FAM107B: variants seen among roughly 807,000 people sequenced by gnomAD.
FAM107B encodes protein FAM107B.
Under a neutral mutation model 31.5 loss-of-function variants are expected in FAM107B, and 21 were observed. The ratio of observed to expected loss-of-function variants is 0.67; its 90% CI spans 0.47 to 0.96. The LOEUF is 0.96. Among genes scored for constraint, FAM107B ranks in the 40% least tolerant of loss-of-function variants. FAM107B has a pLI of 0.00. For missense variants in FAM107B, 452 were observed against 377.1 expected (o/e 1.20, Z -1.64); for synonymous variants, 157 against 141.5 (o/e 1.11, Z -0.78).
chr10:14,731,040 G>A (rs188642140), intron 1 of FAM107B, among the ~76,000 whole-genome samples: 25 of 152,308 alleles, frequency 1.6e-4, no homozygotes, highest in African/African-American at 5.5e-4. Flanking sequence ...AGAGGGCTTA[G>A]CAGGCACAGG....
chr10:14,560,260 T>C (rs1850122700), intron 2 of FAM107B, among the ~76,000 whole-genome samples: 1 of 152,120 alleles, frequency 6.6e-6, no homozygotes, highest in Non-Finnish European at 1.5e-5. Context: ...ATCAAAGGCT[T>C]AGGAGATATA....
chr10:14,744,038 GT>G (rs1287230217), intron 1 of FAM107B, among the ~76,000 whole-genome samples: 1 of 152,108 alleles, frequency 6.6e-6, no homozygotes, highest in Admixed American at 6.6e-5. Flanking sequence ...TTGGGCAGTG[GT>G]TTGTAGTTCT....
intron 2 of FAM107B, among the ~76,000 whole-genome samples, chr10:14,618,752 G>A (rs932647167): frequency 8.5e-5 from 13 of 152,078 alleles, no homozygotes; most frequent in East Asian, 1.9e-4. Flanking sequence ...CAGGAGAGTC[G>A]CTTGAACCCG....
intron 1 of FAM107B, among the ~76,000 whole-genome samples, chr10:14,750,126 T>C (rs1832798743): frequency 6.6e-6 from 1 of 152,048 alleles, no homozygotes; most frequent in Admixed American, 6.5e-5. Context: ...TGAAAACCCA[T>C]TGGTAGCATC....
intron 2 of FAM107B, among the ~76,000 whole-genome samples, chr10:14,629,185 T>TAC (rs1853252229): frequency 7.3e-6 from 1 of 136,668 alleles, no homozygotes; most frequent in South Asian, 2.2e-4. Flanking sequence ...ACATAAAAAG[T>TAC]ATATATATAC....
chr10:14,631,881 C>A (rs944603981), intron 2 of FAM107B, among the ~76,000 whole-genome samples: 1 of 152,164 alleles, frequency 6.6e-6, no homozygotes, highest in South Asian at 2.1e-4. Flanking sequence ...AGGGTGACAG[C>A]CGAGCATTAA....
chr10:14,745,258 G>T (rs1443318979), intron 1 of FAM107B, among the ~76,000 whole-genome samples: 1 of 151,758 alleles, frequency 6.6e-6, no homozygotes, highest in Non-Finnish European at 1.5e-5. Flanking sequence ...CCAACTCCTG[G>T]ATTTGCTAAT....
At chr10:14,734,488 GT>G (rs74521923) in intron 1 of FAM107B, among the ~76,000 whole-genome samples, 797 of 138,294 alleles carry the variant, frequency 5.8e-3, no homozygotes, top group Middle Eastern at 7.2e-3. Flanking sequence ...TTTTTGTGAG[GT>G]TTTTTTTTTT....
chr10:14,655,812 C>T (rs1352596212), intron 2 of FAM107B, among the ~76,000 whole-genome samples: 1 of 152,206 alleles, frequency 6.6e-6, no homozygotes, highest in Non-Finnish European at 1.5e-5. Context: ...GAGCCAGCTC[C>T]ACAGCTACCT....
intron 2 of FAM107B, among the ~76,000 whole-genome samples, chr10:14,657,837 G>A (rs1490031866): frequency 4.0e-5 from 6 of 151,260 alleles, no homozygotes; most frequent in Non-Finnish European, 7.4e-5. Context: ...TTTGAGGCTG[G>A]TCTCACTCTG....
At chr10:14,759,749 C>T (rs1291934008) in intron 1 of FAM107B, among the ~76,000 whole-genome samples, 1 of 151,838 alleles carries the variant, frequency 6.6e-6, no homozygotes, top group African/African-American at 2.4e-5. Flanking sequence ...CTCACCTCTG[C>T]TGTGCAGGTT....
intron 3 of FAM107B, among the ~76,000 whole-genome samples, chr10:14,525,478 C>T (rs887256676): frequency 1.3e-5 from 2 of 152,168 alleles, no homozygotes; most frequent in African/African-American, 2.4e-5. Context: ...CTCCATTAAA[C>T]GAATCGAGGA....
intron 1 of FAM107B, among the ~76,000 whole-genome samples, chr10:14,761,974 C>A (rs1392598470): frequency 6.6e-6 from 1 of 152,080 alleles, no homozygotes; most frequent in African/African-American, 2.4e-5. Context: ...GTAGTTAGGT[C>A]TATCCTTGAA....
intron 2 of FAM107B, among the ~76,000 whole-genome samples, chr10:14,598,178 G>A (rs1287290628): frequency 6.6e-6 from 1 of 152,038 alleles, no homozygotes; most frequent in African/African-American, 2.4e-5. Flanking sequence ...TTTTTAGTTC[G>A]ATGCAATCTG....
At chr10:14,671,291 T>C (rs999847416) in intron 1 of FAM107B, among the ~76,000 whole-genome samples, 1 of 152,138 alleles carries the variant, frequency 6.6e-6, no homozygotes, top group African/African-American at 2.4e-5. Flanking sequence ...CCACGAAAAT[T>C]AAGGCTTGCA....
chr10:14,749,476 T>C (rs1204459185), intron 1 of FAM107B, among the ~76,000 whole-genome samples: 4 of 152,228 alleles, frequency 2.6e-5, no homozygotes, highest in African/African-American at 9.6e-5. Context: ...AGCTAGAATG[T>C]GAGTTCATCC....
chr10:14,629,400 T>TTA (rs1454364583), intron 2 of FAM107B, among the ~76,000 whole-genome samples: 9,517 of 40,926 alleles, frequency 0.23, 1,143 homozygotes, highest in Middle Eastern at 0.36. Context: ...TAATATATAT[T>TTA]ATATATTTAA....
chr10:14,633,069 C>T (rs1473038310), intron 2 of FAM107B, among the ~76,000 whole-genome samples: 2 of 151,842 alleles, frequency 1.3e-5, no homozygotes, highest in African/African-American at 4.8e-5. Context: ...CGTAGTGGTG[C>T]ATGCCTGTAA....
At chr10:14,761,083 ATTAAT>A (rs1833037457) in intron 1 of FAM107B, among the ~76,000 whole-genome samples, 1 of 151,998 alleles carries the variant, frequency 6.6e-6, no homozygotes. Flanking sequence ...GAAAAAAGTA[ATTAAT>A]TTAATCAGGA....
Sources: gnomAD v4.1 joint callset for allele counts (sites outside exome capture counted in the v4.1 genomes callset) on GRCh38, gnomAD v4.1.1 for gene constraint, MANE v1.5 for transcripts, NCBI Gene and HGNC (gene_info 2026-07-23, HGNC 2026-07-21) for gene names.